The following MKRN1 variants were observed in gnomAD, a reference collection of about 807,000 sequenced individuals.
MKRN1 encodes the protein E3 ubiquitin-protein ligase makorin-1.
In MKRN1, 9 loss-of-function variants were observed where a neutral mutation model predicts 55.5. That is an observed-to-expected ratio of 0.16 (90% CI 0.10 to 0.28). MKRN1 has a LOEUF of 0.28. Ranked by LOEUF, MKRN1 falls within the 10% of genes least tolerant of loss-of-function variation. The pLI is 1.00. For synonymous variants in MKRN1, 253 were observed against 235.9 expected, an observed-to-expected ratio of 1.07 and a Z score of -0.66; for missense variants, 488 against 626.7, an observed-to-expected ratio of 0.78 and a Z score of 2.36.
At chr7:140,479,058 C>G in intron 1 of MKRN1, 102 bp downstream of exon 1, 1 of 1,217,768 alleles carries the variant, frequency 8.2e-7, no homozygotes, top group Non-Finnish European at 1.0e-6. Context: ...CCCGCCCTCC[C>G]GCGCCTCTAG....
intron 2 of MKRN1, among the ~76,000 whole-genome samples, chr7:140,469,606 G>A (rs1794864072): frequency 6.6e-6 from 1 of 152,052 alleles, no homozygotes; most frequent in Non-Finnish European, 1.5e-5. Context: ...GGATACTAAA[G>A]TATCCCTATG....
chr7:140,456,010 C>T (rs888398139), intron 5 of MKRN1, 110 bp from the exon 6 acceptor site: 45 of 1,078,256 alleles, frequency 4.2e-5, no homozygotes, highest in African/African-American at 4.7e-5. Context: ...CTGAAAGGCA[C>T]GTGGGCATTT....
At chr7:140,475,780 TAGAAGCACTCTAATAA>T in intron 1 of MKRN1, among the ~76,000 whole-genome samples, 1 of 152,368 alleles carries the variant, frequency 6.6e-6, no homozygotes, top group African/African-American at 2.4e-5. Flanking sequence ...TCTGCCATTA[TAGAAGCACTCTAATAA>T]AGAGGGGTCT....
At chr7:140,476,118 G>A (rs569957528) in intron 1 of MKRN1, among the ~76,000 whole-genome samples, 58 of 152,236 alleles carry the variant, frequency 3.8e-4, no homozygotes, top group African/African-American at 1.4e-3. Flanking sequence ...CTAGATACAG[G>A]AGTGATGTGC....
intron 2 of MKRN1, among the ~76,000 whole-genome samples, chr7:140,465,096 C>G (rs1563091831): frequency 2.6e-5 from 4 of 152,200 alleles, no homozygotes; most frequent in Non-Finnish European, 1.5e-5. Context: ...GAAAATAACC[C>G]TTTCCCTGGT....
intron 2 of MKRN1, among the ~76,000 whole-genome samples, chr7:140,464,971 G>C (rs1794728350): frequency 6.6e-6 from 1 of 151,960 alleles, no homozygotes; most frequent in Non-Finnish European, 1.5e-5. Context: ...TTATTTTGTA[G>C]GTACGTAGTT....
intron 2 of MKRN1, among the ~76,000 whole-genome samples, chr7:140,465,339 A>C (rs1444326729): frequency 6.6e-6 from 1 of 152,012 alleles, no homozygotes; most frequent in African/African-American, 2.4e-5. Context: ...TCTCTACTAA[A>C]AATAACAAAA....
rs908847696 is a variant in MKRN1 at position 140,470,467 on chromosome 7, C to G, written c.314+1416G>C. ...AGGTGTGGTGGCGGGCGCCTGTAAT[C>G]CCAGCTACTCCGGAAGATGAGGCAG... is the stretch of plus-strand genomic sequence containing the variant. On this transcript the variant is annotated intron_variant, in intron 2 of 7. Coordinates refer to ENST00000255977, the MANE Select transcript of MKRN1 (RefSeq NM_013446.4). 2.6e-5 allele frequency among the ~76,000 whole-genome samples: 4 copies of G among 151,446 alleles called. No homozygotes were observed. The East Asian group carries it at 5.9e-4, about 22-fold the overall frequency.
chr7:140,454,295 C>T lies in MKRN1; in HGVS notation c.*222G>A. On this transcript the variant is annotated 3_prime_UTR_variant, in exon 8 of 8. Transcript: ENST00000255977. ...ACAGTTAAATTCGTGTTACAAAAAA[C>T]TAACTTTAAGATTTATTTTTGTAAC... 1 of 572,302 alleles carries T rather than the reference C, an allele frequency of 1.7e-6. No homozygotes were observed. Among genetic ancestry groups the T allele is most frequent in the Non-Finnish European group, 3.1e-6 (1 of 320,632 alleles). 35.5% of individuals were successfully genotyped at this position (572,302 alleles called of 1,614,324 possible).
At chr7:140,462,561 C>T (rs2130283174) in intron 2 of MKRN1, among the ~76,000 whole-genome samples, 1 of 152,260 alleles carries the variant, frequency 6.6e-6, no homozygotes, top group Non-Finnish European at 1.5e-5. Context: ...ATTATTACCT[C>T]AAACATTCAT....
At chr7:140,460,946 G>T (rs76357496) in intron 2 of MKRN1, among the ~76,000 whole-genome samples, 5,939 of 152,338 alleles carry the variant, frequency 0.039, 160 homozygotes, top group South Asian at 0.076. Flanking sequence ...CCTTTGGCCA[G>T]ATTTGGCCTG....
intron 2 of MKRN1, among the ~76,000 whole-genome samples, chr7:140,467,759 C>T (rs1274084774): frequency 3.6e-4 from 54 of 151,676 alleles, no homozygotes; most frequent in Non-Finnish European, 1.0e-4. Flanking sequence ...TCCCAGCACT[C>T]TGGGAGGCTG....
At chr7:140,472,042 A>C in intron 1 of MKRN1, 31 bp from the exon 2 acceptor site, 1 of 1,613,204 alleles carries the variant, frequency 6.2e-7, no homozygotes, top group Middle Eastern at 1.7e-4. Context: ...AAACTGGATT[A>C]AAACCAATCC....
At chr7:140,461,005 C>T (rs977753688) in intron 2 of MKRN1, among the ~76,000 whole-genome samples, 4 of 152,224 alleles carry the variant, frequency 2.6e-5, no homozygotes, top group Admixed American at 2.0e-4. Context: ...AAATTCCACT[C>T]TAATTAGGAG....
At chr7:140,468,923 A>ATT (rs1195777660) in intron 2 of MKRN1, among the ~76,000 whole-genome samples, 1 of 152,088 alleles carries the variant, frequency 6.6e-6, no homozygotes, top group African/African-American at 2.4e-5. Flanking sequence ...GACTCTTAAT[A>ATT]AACAGATGTG....
chr7:140,479,136 G>A, intron 1 of MKRN1, 24 bp downstream of exon 1: 3 of 1,309,022 alleles, frequency 2.3e-6, no homozygotes, highest in South Asian at 2.3e-5. Context: ...CCCGCGCCCG[G>A]CGCTCCGCCG....
In MKRN1 at chr7:140,454,421, G is replaced by C. The variant is rs1486817896; in HGVS notation, c.*96C>G. On this transcript the variant is annotated 3_prime_UTR_variant, in exon 8 of 8. Coordinates refer to ENST00000255977, the MANE Select transcript of MKRN1 (RefSeq NM_013446.4). ...CTTAGGACAGCACCTGGAGTTGAGA[G>C]GCCTGCCTAGGAGAGAACACAGGCA... 5.7e-6 allele frequency: 7 copies of C among 1,222,680 alleles called. No individual in the cohort carries two copies. The highest frequency in any genetic ancestry group is 8.2e-6 in the Non-Finnish European group (7 of 852,162). The allele number at this position is 1,222,680 out of a possible 1,614,324, so 75.7% of individuals were successfully genotyped here.
chr7:140,470,421 C>T (rs949959116), intron 2 of MKRN1, among the ~76,000 whole-genome samples: 4 of 151,148 alleles, frequency 2.6e-5, no homozygotes, highest in African/African-American at 9.7e-5. Flanking sequence ...TCCGTCTCTA[C>T]TAAAAATACA....
In MKRN1 at chr7:140,464,717, C is replaced by A. The variant is rs951907188; in HGVS notation, c.315-4781G>T. ...TGAAACTCAGTCTCAAAAAAACAAA[C>A]AAACAAAACAAAACTCCCTGGTTTA... is the stretch of plus-strand genomic sequence containing the variant. On this transcript the variant is annotated intron_variant, in intron 2 of 7. Coordinates refer to ENST00000255977, the MANE Select transcript of MKRN1 (RefSeq NM_013446.4). Among the ~76,000 whole-genome samples the A allele has an allele frequency of 1.4e-3, 204 of 150,644 alleles. 2 individuals carry two copies. Among genetic ancestry groups the A allele is most frequent in the Non-Finnish European group, 2.1e-4 (14 of 67,604 alleles).
Sources: gnomAD v4.1 joint callset for allele counts (sites outside exome capture counted in the v4.1 genomes callset) on GRCh38, gnomAD v4.1.1 for gene constraint, MANE v1.5 for transcripts, NCBI Gene and HGNC (gene_info 2026-07-23, HGNC 2026-07-21) for gene names.